PGM2: variants seen among roughly 807,000 people sequenced by gnomAD.
PGM2 encodes the protein phosphopentomutase.
Under a neutral mutation model 74.6 loss-of-function variants are expected in PGM2, and 57 were observed. The observed-to-expected ratio is 0.76, with a 90% CI of 0.62 to 0.95. The LOEUF (loss-of-function observed/expected upper bound fraction) is 0.95, where lower values mean the gene tolerates loss of function less well. Ranked by LOEUF, PGM2 falls within the 40% of genes least tolerant of loss-of-function variation. The probability of loss-of-function intolerance (pLI) is 0.00; values close to 1 mark genes in which losing one functional copy is unlikely to be tolerated. For synonymous variants in PGM2, 273 were observed against 260.7 expected, an observed-to-expected ratio of 1.05 and a Z score of -0.46; for missense variants, 706 against 741.9, an observed-to-expected ratio of 0.95 and a Z score of 0.56.
At position 37,849,200 on chromosome 4, in the gene PGM2, T is replaced by G. The variant is rs956384097; in HGVS notation, c.1412+549T>G. ...ATGACAACATGAAAGAATGTGATTT[T>G]AAGTGTCCAGTATCAAAAAAGATTG... is the stretch of plus-strand genomic sequence containing the variant. On this transcript the variant is annotated intron_variant, in intron 11 of 13. Transcript: ENST00000381967. Among the ~76,000 whole-genome samples the G allele has an allele frequency of 4.6e-5, 7 of 152,182 alleles. No individual in the cohort carries two copies. In the South Asian group the frequency reaches 8.3e-4, roughly 18 times the overall value.
At chr4:37,826,865 C>A in intron 1 of PGM2, 52 bp downstream of exon 1, 1 of 1,174,002 alleles carries the variant, frequency 8.5e-7, no homozygotes, top group Non-Finnish European at 1.2e-6. Flanking sequence ...GGGTGCTCTG[C>A]CCTCTCCAGG....
chr4:37,855,052 T>C (rs1211922306), intron 12 of PGM2, among the ~76,000 whole-genome samples: 1 of 152,210 alleles, frequency 6.6e-6, no homozygotes, highest in African/African-American at 2.4e-5. Flanking sequence ...ACTTAAAATC[T>C]ACTCTCTTAG....
At chr4:37,840,539 C>T (rs1725680924) in intron 6 of PGM2, among the ~76,000 whole-genome samples, 1 of 152,176 alleles carries the variant, frequency 6.6e-6, no homozygotes, top group Non-Finnish European at 1.5e-5. Flanking sequence ...TGAGCCACTG[C>T]ACCCAGCTAA....
chr4:37,848,852 C>T (rs1357178261), intron 11 of PGM2, among the ~76,000 whole-genome samples: 2 of 151,932 alleles, frequency 1.3e-5, no homozygotes, highest in Non-Finnish European at 2.9e-5. Flanking sequence ...GGTGGATCAC[C>T]TGAGGTCAGG....
chr4:37,843,173 T>G (rs568065344), intron 6 of PGM2, among the ~76,000 whole-genome samples: 1 of 152,338 alleles, frequency 6.6e-6, no homozygotes, highest in Admixed American at 6.5e-5. Flanking sequence ...CATCTCCCAT[T>G]TCAAATTAGA....
chr4:37,843,578 C>A (rs10023869), intron 6 of PGM2, among the ~76,000 whole-genome samples: 12,463 of 151,426 alleles, frequency 0.082, 981 homozygotes, highest in East Asian at 0.19. Flanking sequence ...TGTTACTTGG[C>A]AAACAAAAAG....
At chr4:37,860,130 A>C (rs1321800528) in intron 13 of PGM2, among the ~76,000 whole-genome samples, 1 of 152,214 alleles carries the variant, frequency 6.6e-6, no homozygotes, top group Non-Finnish European at 1.5e-5. Context: ...TTAAGAAATA[A>C]ATTTGAATAA....
intron 12 of PGM2, among the ~76,000 whole-genome samples, chr4:37,854,087 A>T (rs1726123637): frequency 6.6e-6 from 1 of 151,988 alleles, no homozygotes; most frequent in Non-Finnish European, 1.5e-5. Context: ...AGGCACTCAG[A>T]TTTCATTCTC....
intron 3 of PGM2, among the ~76,000 whole-genome samples, chr4:37,836,860 T>TGG (rs1725579808): frequency 1.2e-5 from 1 of 82,438 alleles, no homozygotes; most frequent in Non-Finnish European, 2.5e-5. Context: ...TATATGTGTA[T>TGG]GGGTGTGTGT....
At chr4:37,845,834 A>G in intron 8 of PGM2, 104 bp downstream of exon 8, 1 of 760,930 alleles carries the variant, frequency 1.3e-6, no homozygotes, top group Non-Finnish European at 2.3e-6. Flanking sequence ...AACATTTCCC[A>G]TTTATTTTGC....
At chr4:37,858,330 T>C (rs560444732) in intron 13 of PGM2, among the ~76,000 whole-genome samples, 60 of 145,220 alleles carry the variant, frequency 4.1e-4, no homozygotes, top group Middle Eastern at 7.1e-3. Flanking sequence ...AATAAAGTTT[T>C]TTTTGTTTTG....
intron 2 of PGM2, 40 bp downstream of exon 2, chr4:37,830,171 C>T: frequency 7.4e-7 from 1 of 1,349,902 alleles, no homozygotes; most frequent in Non-Finnish European, 1.0e-6. Context: ...TCAATGTATC[C>T]CCTAGCTCAT....
At position 37,837,737 on chromosome 4, in the gene PGM2, G is replaced by A. The variant is rs145744389; in HGVS notation, c.441+124G>A. The stretch of plus-strand genomic sequence containing the variant: ...GAATGACAGAGGAGTTCCTTGGCAT[G>A]TATGAGACATTTCCTTCTCTCCTGG... On this transcript the variant is annotated intron_variant, in intron 4 of 13. Transcript: ENST00000381967. The A allele has an allele frequency of 1.3e-3, 913 of 711,504 alleles. 8 individuals carry two copies. The highest frequency in any genetic ancestry group is 0.011 in the African/African-American group (624 of 57,340). The allele number at this position is 711,504 out of a possible 1,614,324, so 44.1% of individuals were successfully genotyped here.
In PGM2 at chr4:37,845,199, G is replaced by A. The variant is rs544341294; in HGVS notation, c.910-434G>A. Among the ~76,000 whole-genome samples, 3 of 152,220 alleles carry A rather than the reference G, an allele frequency of 2.0e-5. No homozygotes were observed. In the East Asian group the frequency reaches 5.8e-4, roughly 29 times the overall value. On this transcript the variant is annotated intron_variant, in intron 7 of 13. Coordinates refer to ENST00000381967, the MANE Select transcript of PGM2 (RefSeq NM_018290.4). ...TAGCAGGTTATGATTTTTATTTCTTGTCATTTTTCTGATATGAAGTGTTGC... is the reference window on the plus strand; with the variant it reads ...TAGCAGGTTATGATTTTTATTTCTTATCATTTTTCTGATATGAAGTGTTGC...
At chr4:37,837,641 C>T (rs770875639) in intron 4 of PGM2, 28 bp downstream of exon 4, 2 of 1,406,568 alleles carry the variant, frequency 1.4e-6, no homozygotes, top group South Asian at 2.3e-5. Context: ...TTCATAATTT[C>T]CTGTCACATG....
At chr4:37,845,794 A>G (rs760801870) in intron 8 of PGM2, 64 bp downstream of exon 8, 3 of 1,078,176 alleles carry the variant, frequency 2.8e-6, no homozygotes, top group Non-Finnish European at 2.9e-6. Context: ...CATTGGTAAA[A>G]TGTTTCTGGG....
chr4:37,853,324 G>T (rs947534525), intron 12 of PGM2, among the ~76,000 whole-genome samples: 1 of 147,200 alleles, frequency 6.8e-6, no homozygotes, highest in African/African-American at 2.5e-5. Context: ...GTTTAGTAGA[G>T]ACAGGATCTT....
chr4:37,847,159 G>T, intron 9 of PGM2, 43 bp from the exon 10 acceptor site: 1 of 1,598,002 alleles, frequency 6.3e-7, no homozygotes. Flanking sequence ...CTGCTCTGTA[G>T]AAGATCTAAG....
At chr4:37,841,072 G>GTATATATATATATATA (rs36127170) in intron 6 of PGM2, among the ~76,000 whole-genome samples, 1,388 of 113,178 alleles carry the variant, frequency 0.012, 11 homozygotes, top group East Asian at 0.021. Context: ...ATATGCAAGC[G>GTATATATATATATATA]TATATATATA....
Sources: allele counts gnomAD v4.1 joint callset (sites outside exome capture counted in the v4.1 genomes callset), GRCh38; gene constraint gnomAD v4.1.1; transcripts MANE v1.5; gene names NCBI Gene and HGNC (gene_info 2026-07-23, HGNC 2026-07-21).